The following CPLANE1 variants were observed in gnomAD, a reference collection of about 807,000 sequenced individuals.
CPLANE1 encodes ciliogenesis and planar polarity effector complex subunit 1, also known as ciliogenesis and planar polarity effector 1.
In CPLANE1, 263 loss-of-function variants were observed where a neutral mutation model predicts 362.5. The ratio of observed to expected loss-of-function variants is 0.73; its 90% CI spans 0.66 to 0.80. The LOEUF is 0.80. Among genes scored for constraint, CPLANE1 ranks in the 30% least tolerant of loss-of-function variants. The pLI is 0.00. For missense variants in CPLANE1, 3,461 were observed against 3,793.4 expected (o/e 0.91, Z 2.30); for synonymous variants, 1,212 against 1,302.6 (o/e 0.93, Z 1.50).
Position 37,139,409 on chromosome 5 carries a change from T to C in CPLANE1, c.8633-39A>G, listed in dbSNP as rs773760998. On this transcript the variant is annotated intron_variant, in intron 44 of 52. Transcript: ENST00000651892. ...CATTATTAATAAAAATTTTGGGTTT[T>C]TTTTTGCTTTCAATTGTTAATCTAA... 13 of 1,156,344 alleles carry C rather than the reference T, an allele frequency of 1.1e-5. No homozygotes were observed. The South Asian group carries it at 1.4e-4, about 12-fold the overall frequency. The allele number at this position is 1,156,344 out of a possible 1,614,324, so 71.6% of individuals were successfully genotyped here.
At chr5:37,151,228 T>A (rs1773478379) in intron 42 of CPLANE1, among the ~76,000 whole-genome samples, 1 of 152,134 alleles carries the variant, frequency 6.6e-6, no homozygotes. Flanking sequence ...TTGGTACCTT[T>A]CTCCTTTGCT....
chr5:37,125,107 C>T (rs1763773341), intron 47 of CPLANE1, 137 bp downstream of exon 47: 3 of 1,381,774 alleles, frequency 2.2e-6, no homozygotes, highest in South Asian at 1.5e-5. Flanking sequence ...CTTTTCCTGA[C>T]TTAAGTAAAA....
chr5:37,184,655 G>T (rs1186054590), intron 25 of CPLANE1, 133 bp downstream of exon 25: 2 of 664,326 alleles, frequency 3.0e-6, no homozygotes, highest in Non-Finnish European at 5.1e-6. Flanking sequence ...AGTGGAGGGG[G>T]TGGCACTTAT....
At chr5:37,156,247 G>A (rs1242595547) in intron 41 of CPLANE1, among the ~76,000 whole-genome samples, 1 of 152,178 alleles carries the variant, frequency 6.6e-6, no homozygotes, top group Admixed American at 6.5e-5. Context: ...GTTGCAGGAA[G>A]TCTGATTGCA....
intron 23 of CPLANE1, among the ~76,000 whole-genome samples, chr5:37,186,703 C>T (rs542211097): frequency 6.6e-6 from 1 of 152,296 alleles, no homozygotes; most frequent in Admixed American, 6.5e-5. Flanking sequence ...CATCAATACA[C>T]ACATTTACCA....
Position 37,187,764 on chromosome 5 carries a change from T to C in CPLANE1, c.3890A>G (p.Gln1297Arg). Residue 1297 changes from glutamine to arginine, a missense_variant, in exon 22 of 53, where the codon CAG (glutamine) becomes CGG (arginine). This residue lies in a region of CPLANE1 where 3,380 missense variants were observed against 3,666.1 expected (regional missense o/e 0.92). Coordinates refer to ENST00000651892, the MANE Select transcript of CPLANE1 (RefSeq NM_001384732.1). Reference sequence around the variant, plus strand: ...TCCTTTTACATTTTCTCTTGCTTTCTGATATTGCCTGCAACTATAGGATAA... The same window carrying C: ...TCCTTTTACATTTTCTCTTGCTTTCCGATATTGCCTGCAACTATAGGATAA... The part of the protein sequence containing the change: ...DKLSYSCRQY[Q>R]KARENVKGEK... 1.9e-6 allele frequency: 3 copies of C among 1,613,854 alleles called. No individual in the cohort carries two copies. Among genetic ancestry groups the C allele is most frequent in the Non-Finnish European group, 2.5e-6 (3 of 1,179,844 alleles).
At chr5:37,195,792 T>C in intron 21 of CPLANE1, 66 bp downstream of exon 21, 1 of 1,517,722 alleles carries the variant, frequency 6.6e-7, no homozygotes, top group Non-Finnish European at 8.9e-7. Context: ...AGTCAATACT[T>C]TCCCAAATCA....
Position 37,164,180 on chromosome 5 carries a change from A to G in CPLANE1, c.7588+93T>C, listed in dbSNP as rs182199494. The G allele has an allele frequency of 3.8e-4, 371 of 967,546 alleles. 2 individuals carry two copies. In the African/African-American group the frequency reaches 5.2e-3, roughly 13 times the overall value. The allele number at this position is 967,546 out of a possible 1,614,324, so 59.9% of individuals were successfully genotyped here. On this transcript the variant is annotated intron_variant, in intron 37 of 52. Transcript: ENST00000651892. ...TGAATTTGTAGTCAGCTGGGCAGAA[A>G]TGTAGGTAGCCTCATTTTCATATTG... is the stretch of plus-strand genomic sequence containing the variant.
chr5:37,187,799 G>A lies in CPLANE1; in HGVS notation c.3855C>T (p.Val1285=), dbSNP rs779488873. The A allele has an allele frequency of 1.9e-6, 3 of 1,613,746 alleles. No individual in the cohort carries two copies. In the East Asian group the frequency reaches 6.7e-5, roughly 36 times the overall value. ...ELCALCWMLH[V]RDKLSYSCRQ... The stretch of plus-strand genomic sequence containing the variant: ...TGCAACTATAGGATAACTTATCACG[G>A]ACATGCAGCATCCAACACAGAGCAC... The change falls in exon 22 of 53, where the codon GTC becomes GTT. Residue 1285 remains valine, a synonymous_variant. Coordinates refer to ENST00000651892, the MANE Select transcript of CPLANE1 (RefSeq NM_001384732.1).
chr5:37,085,425 A>G, the CPLANE1 span: 6 of 988,364 alleles, frequency 6.1e-6, no homozygotes, highest in Non-Finnish European at 9.8e-6. Flanking sequence ...CAAATTGGGT[A>G]AAGTGAGAAA....
At position 37,108,406 on chromosome 5, in the gene CPLANE1, G is replaced by A. The variant is rs774297305; in HGVS notation, c.9466C>T (p.Gln3156Ter). 6.2e-7 allele frequency: 1 copy of A among 1,614,062 alleles called. No homozygotes were observed. Among genetic ancestry groups the A allele is most frequent in the Non-Finnish European group, 8.5e-7 (1 of 1,180,032 alleles). Residue 3156 changes from glutamine to a stop codon, truncating the protein, a stop_gained, in exon 52 of 53, where the codon CAA becomes TAA. Coordinates refer to ENST00000651892, the MANE Select transcript of CPLANE1 (RefSeq NM_001384732.1). LOFTEE classifies it high-confidence loss of function. ...TACTCTACACACACCTGCTTGGTTT[G>A]AGGTGCAAGCCCAGCACTTCCATGT... ...KKHGSAGLAP[Q>*]TKQVCVEYER...
At chr5:37,111,174 G>A (rs1199121131) in intron 51 of CPLANE1, among the ~76,000 whole-genome samples, 2 of 150,316 alleles carry the variant, frequency 1.3e-5, no homozygotes, top group Non-Finnish European at 2.9e-5. Context: ...AGGCTGGAGT[G>A]CAGTGGCATG....
the CPLANE1 span, among the ~76,000 whole-genome samples, chr5:37,084,473 T>C: frequency 4.3e-4 from 66 of 152,276 alleles, 1 homozygote; most frequent in East Asian, 0.012. Context: ...ATGGCCTAAA[T>C]GCTCCACTTA....
the CPLANE1 span, among the ~76,000 whole-genome samples, chr5:37,079,069 G>A: frequency 4.1e-4 from 62 of 152,190 alleles, no homozygotes; most frequent in East Asian, 9.5e-3. Context: ...GATCCCAGTC[G>A]TCAATTTTTG....
the CPLANE1 span, among the ~76,000 whole-genome samples, chr5:37,099,311 C>A: frequency 6.6e-6 from 1 of 152,116 alleles, no homozygotes; most frequent in Admixed American, 6.5e-5. Context: ...GGCCCCAGTG[C>A]GTGTTGTTCC....
chr5:37,237,936 T>C (rs965752613), intron 8 of CPLANE1, among the ~76,000 whole-genome samples: 8 of 152,148 alleles, frequency 5.3e-5, no homozygotes, highest in African/African-American at 1.9e-4. Flanking sequence ...CCCAGCACTT[T>C]AGGAGGCCAA....
Position 37,107,355 on chromosome 5 carries a change from T to G in CPLANE1, c.*247A>C. 1 of 1,206,628 alleles carries G rather than the reference T, an allele frequency of 8.3e-7. No homozygotes were observed. The highest frequency in any genetic ancestry group is 1.0e-6 in the Non-Finnish European group (1 of 971,738). The allele number at this position is 1,206,628 out of a possible 1,614,324, so 74.7% of individuals were successfully genotyped here. On this transcript the variant is annotated 3_prime_UTR_variant, in exon 53 of 53. Coordinates refer to ENST00000651892, the MANE Select transcript of CPLANE1 (RefSeq NM_001384732.1). ...AAGGTACTTATCATTTTAAAAATTATGCCTAATGATGCATCAAATACAAAA... is the reference window on the plus strand; with the variant it reads ...AAGGTACTTATCATTTTAAAAATTAGGCCTAATGATGCATCAAATACAAAA...
chr5:37,182,976 T>C lies in CPLANE1; in HGVS notation c.5205A>G (p.Leu1735=), dbSNP rs1319499094. ...NDINPQEDLP[L]ALNTFGSIGR... ...CTATACTGCCAAAAGTGTTTAGTGC[T>C]AAAGGAAGATCTTCTTGAGGGTTAA... Residue 1735 remains leucine (L), a synonymous_variant, in exon 26 of 53, where the codon TTA becomes TTG. Coordinates refer to ENST00000651892, the MANE Select transcript of CPLANE1 (RefSeq NM_001384732.1). The C allele has an allele frequency of 1.3e-5, 21 of 1,609,032 alleles. No homozygotes were observed. Among genetic ancestry groups the C allele is most frequent in the Non-Finnish European group, 1.7e-5 (20 of 1,177,542 alleles).
intron 50 of CPLANE1, among the ~76,000 whole-genome samples, chr5:37,115,310 T>A (rs1176020755): frequency 6.6e-6 from 1 of 152,212 alleles, no homozygotes; most frequent in Non-Finnish European, 1.5e-5. Flanking sequence ...ATGGCAAATG[T>A]GTTTTGACAT....
Sources: allele counts gnomAD v4.1 joint callset (sites outside exome capture counted in the v4.1 genomes callset), GRCh38; gene constraint gnomAD v4.1.1; regional missense constraint gnomAD v4.1.1; transcripts MANE v1.5; gene names NCBI Gene and HGNC (gene_info 2026-07-23, HGNC 2026-07-21).